The following ACCSL variants were observed in gnomAD, a reference collection of about 807,000 sequenced individuals.
ACCSL encodes the protein probable inactive 1-aminocyclopropane-1-carboxylate synthase-like protein 2.
Under a neutral mutation model 61.7 loss-of-function variants are expected in ACCSL, and 55 were observed. The ratio of observed to expected loss-of-function variants is 0.89; its 90% CI spans 0.72 to 1.12. The LOEUF (loss-of-function observed/expected upper bound fraction) is 1.12. Ranked by LOEUF, ACCSL falls within the 50% of genes most tolerant of loss-of-function variation. ACCSL has a pLI of 0.00. For missense variants in ACCSL, 632 were observed against 698.0 expected, an observed-to-expected ratio of 0.91 and a Z score of 1.07; for synonymous variants, 258 against 264.3, an observed-to-expected ratio of 0.98 and a Z score of 0.23.
the ACCSL span, among the ~76,000 whole-genome samples, chr11:44,007,201 G>A: frequency 6.6e-6 from 1 of 152,206 alleles, no homozygotes; most frequent in African/African-American, 2.4e-5. Context: ...TGCCAGATCT[G>A]CCCAGGGAGG....
At chr11:44,003,002 G>A in the ACCSL span, among the ~76,000 whole-genome samples, 5 of 152,156 alleles carry the variant, frequency 3.3e-5, no homozygotes, top group South Asian at 2.1e-4. Context: ...AGCTGCATTC[G>A]TGATGTTTCA....
the ACCSL span, among the ~76,000 whole-genome samples, chr11:44,024,801 T>C: frequency 0.55 from 82,865 of 151,794 alleles, 22,939 homozygotes; most frequent in Admixed American, 0.6. Context: ...GTTTCTGTTA[T>C]TATTGAATTG....
chr11:43,996,849 G>A, the ACCSL span, among the ~76,000 whole-genome samples: 1 of 140,492 alleles, frequency 7.1e-6, no homozygotes, highest in South Asian at 2.2e-4. Flanking sequence ...GTCTCGCTCT[G>A]TCACCCAGGC....
At chr11:44,042,147 A>C in the ACCSL span, among the ~76,000 whole-genome samples, 1 of 152,120 alleles carries the variant, frequency 6.6e-6, no homozygotes, top group African/African-American at 2.4e-5. Context: ...AGTTCATTAA[A>C]CTTCATCAAA....
At chr11:43,924,695 C>T in the ACCSL span, among the ~76,000 whole-genome samples, 9 of 152,358 alleles carry the variant, frequency 5.9e-5, no homozygotes, top group South Asian at 2.1e-4. Flanking sequence ...GCTGGGTCAT[C>T]GCTGCCTGAG....
At chr11:43,946,210 C>G in the ACCSL span, among the ~76,000 whole-genome samples, 1 of 152,126 alleles carries the variant, frequency 6.6e-6, no homozygotes, top group Non-Finnish European at 1.5e-5. Context: ...CCTCAGCCTC[C>G]CGAGTAGCTG....
the ACCSL span, among the ~76,000 whole-genome samples, chr11:43,975,076 G>A: frequency 6.6e-6 from 1 of 152,178 alleles, no homozygotes; most frequent in Admixed American, 6.5e-5. Context: ...GAACTGGGTG[G>A]TGGGCAGAAG....
the ACCSL span, among the ~76,000 whole-genome samples, chr11:43,950,311 G>A: frequency 3.3e-5 from 5 of 152,268 alleles, no homozygotes; most frequent in African/African-American, 1.2e-4. Context: ...CTGTGTCACG[G>A]GCATGTCCTT....
At chr11:43,992,054 CTT>C in the ACCSL span, among the ~76,000 whole-genome samples, 179 of 114,130 alleles carry the variant, frequency 1.6e-3, 1 homozygote, top group African/African-American at 2.9e-3. Context: ...TTCTTTCTTT[CTT>C]TTTTTTTTTT....
the ACCSL span, among the ~76,000 whole-genome samples, chr11:43,991,773 G>A: frequency 6.6e-6 from 1 of 152,094 alleles, no homozygotes; most frequent in Admixed American, 6.6e-5. Flanking sequence ...TGGCCTGGGT[G>A]AAAGACAAGA....
At chr11:43,969,881 C>T in the ACCSL span, among the ~76,000 whole-genome samples, 3 of 151,382 alleles carry the variant, frequency 2.0e-5, no homozygotes, top group African/African-American at 7.2e-5. Context: ...AGAGGCACAA[C>T]CCCCTGAGTG....
chr11:43,989,241 G>T, the ACCSL span, among the ~76,000 whole-genome samples: 1 of 152,180 alleles, frequency 6.6e-6, no homozygotes, highest in Non-Finnish European at 1.5e-5. Flanking sequence ...CTGAGCCTCA[G>T]TTTTCTCACC....
At chr11:44,037,828 G>A in the ACCSL span, among the ~76,000 whole-genome samples, 3 of 152,100 alleles carry the variant, frequency 2.0e-5, no homozygotes, top group Non-Finnish European at 4.4e-5. Context: ...CCAGAAGGGG[G>A]CCCAGACCTT....
chr11:44,037,859 T>TCATCCATCCGTG, the ACCSL span, among the ~76,000 whole-genome samples: 874 of 132,190 alleles, frequency 6.6e-3, 1 homozygote, highest in East Asian at 0.012. Context: ...ATTATGGTAT[T>TCATCCATCCGTG]CATCCATCCA....
intron 3 of ACCSL, 117 bp from the exon 4 acceptor site, chr11:44,051,218 G>GTAA: frequency 1.0e-6 from 1 of 988,000 alleles, no homozygotes; most frequent in Non-Finnish European, 1.6e-6. Context: ...CAGTAGCCCT[G>GTAA]TAATATGAGG....
upstream of ACCSL, among the ~76,000 whole-genome samples, chr11:44,044,859 G>A (rs1056703822): frequency 1.3e-5 from 2 of 152,152 alleles, no homozygotes; most frequent in African/African-American, 4.8e-5. Context: ...GGCTGATCCT[G>A]GGATACTGGT....
the ACCSL span, among the ~76,000 whole-genome samples, chr11:43,978,480 AG>A: frequency 1.3e-5 from 2 of 152,322 alleles, no homozygotes; most frequent in South Asian, 4.1e-4. Context: ...TCACGTAATC[AG>A]GAATAGAATT....
the ACCSL span, among the ~76,000 whole-genome samples, chr11:43,961,490 C>T: frequency 1.3e-5 from 2 of 152,170 alleles, no homozygotes; most frequent in Admixed American, 1.3e-4. Flanking sequence ...AGACCTAGGT[C>T]TGTGACGTAA....
the ACCSL span, among the ~76,000 whole-genome samples, chr11:43,934,229 C>T: frequency 6.6e-6 from 1 of 152,188 alleles, no homozygotes; most frequent in African/African-American, 2.4e-5. Flanking sequence ...CTTTTATGCT[C>T]CCAGTCGTAC....
Sources: gnomAD v4.1 joint callset for allele counts (sites outside exome capture counted in the v4.1 genomes callset) on GRCh38, gnomAD v4.1.1 for gene constraint, MANE v1.5 for transcripts, NCBI Gene and HGNC (gene_info 2026-07-23, HGNC 2026-07-21) for gene names.